NDUFV3: variants seen among roughly 807,000 people sequenced by gnomAD.
The protein encoded by NDUFV3 is NADH dehydrogenase [ubiquinone] flavoprotein 3, mitochondrial.
Under a neutral mutation model 37.5 loss-of-function variants are expected in NDUFV3, and 44 were observed. The observed-to-expected ratio is 1.17, with a 90% CI of 0.92 to 1.51. The LOEUF is 1.51. Among genes scored for constraint, NDUFV3 ranks in the 40% most tolerant of loss-of-function variants. The pLI is 0.00. For missense variants in NDUFV3, 580 were observed against 580.4 expected (o/e 1.00, Z 0.01); for synonymous variants, 235 against 239.3 (o/e 0.98, Z 0.17).
chr21:42,895,532 A>G (rs1255476540), intron 1 of NDUFV3, among the ~76,000 whole-genome samples: 1 of 151,994 alleles, frequency 6.6e-6, no homozygotes, highest in Non-Finnish European at 1.5e-5. Context: ...CACACCTGTA[A>G]TTCCAGCTAC....
intron 2 of NDUFV3, among the ~76,000 whole-genome samples, chr21:42,900,242 C>A (rs13048165): frequency 0.076 from 11,594 of 152,158 alleles, 515 homozygotes; most frequent in East Asian, 0.15. Context: ...TGGCTCACAC[C>A]TGTAATCCCA....
At position 42,909,136 on chromosome 21, in the gene NDUFV3, C is replaced by CA; in HGVS notation, c.*115_*116insA. ...TGTGCATAATCGGTTTCACTTTTAC[C>CA]TTTTTTTTTTTTTTTTTTTTTTTGA... On this transcript the variant is annotated 3_prime_UTR_variant, in exon 4 of 4. Transcript: ENST00000354250. 6 of 434,494 alleles carry CA rather than the reference C, an allele frequency of 1.4e-5. No individual in the cohort carries two copies. Among genetic ancestry groups the CA allele is most frequent in the Non-Finnish European group, 1.9e-5 (5 of 257,896 alleles). The allele number at this position is 434,494 out of a possible 1,614,324, so 26.9% of individuals were successfully genotyped here. A position where few individuals can be genotyped will look rare whatever the true frequency, so the allele number is the denominator to read the frequency against.
chr21:42,902,062 G>A (rs567145124), intron 2 of NDUFV3, among the ~76,000 whole-genome samples: 1 of 152,210 alleles, frequency 6.6e-6, no homozygotes, highest in South Asian at 2.1e-4. Flanking sequence ...TACAAAATTA[G>A]CTGGGTGTGG....
chr21:42,908,312 A>G lies in NDUFV3; in HGVS notation c.1265-552A>G, dbSNP rs191265549. Among the ~76,000 whole-genome samples the G allele has an allele frequency of 3.0e-3, 452 of 152,286 alleles. 7 individuals carry two copies. The highest frequency in any genetic ancestry group is 4.6e-3 in the Admixed American group (70 of 15,292). ...AACAGAGTGAGACTCCATCTCAAAA[A>G]AAAAAACGCATTGTAATAACTATTC... is the stretch of plus-strand genomic sequence containing the variant. On this transcript the variant is annotated intron_variant, in intron 3 of 3. Transcript: ENST00000354250.
rs377125395 is a variant in NDUFV3, at chr21:42,905,768, G to A, written c.1264+1492G>A. On this transcript the variant is annotated intron_variant, in intron 3 of 3. Coordinates refer to ENST00000354250, the MANE Select transcript of NDUFV3 (RefSeq NM_021075.4). ...TGACCTTAGGTGATCCACCTGCCTC[G>A]GCCTCCCAAAGTGCTGGGATTACAG... 7.5e-4 allele frequency among the ~76,000 whole-genome samples: 112 copies of A among 148,638 alleles called. 2 individuals are homozygous for A. The East Asian group carries it at 0.015, about 20-fold the overall frequency.
chr21:42,905,656 C>T (rs2058737943), intron 3 of NDUFV3, among the ~76,000 whole-genome samples: 1 of 152,008 alleles, frequency 6.6e-6, no homozygotes, highest in African/African-American at 2.4e-5. Context: ...GCTGGGATTA[C>T]AGGCGTGTGG....
chr21:42,897,962 C>T (rs1439411696), intron 2 of NDUFV3, among the ~76,000 whole-genome samples: 1 of 152,242 alleles, frequency 6.6e-6, no homozygotes, highest in Non-Finnish European at 1.5e-5. Context: ...AGGCGTGAGC[C>T]ACCGTGCCCA....
chr21:42,895,984 C>CTTTTTTT (rs534775972), intron 1 of NDUFV3, among the ~76,000 whole-genome samples: 1 of 130,368 alleles, frequency 7.7e-6, no homozygotes, highest in African/African-American at 2.9e-5. Flanking sequence ...GGTTGTTTTT[C>CTTTTTTT]TTTTTTTTTT....
chr21:42,907,190 G>A lies in NDUFV3; in HGVS notation c.1265-1674G>A, dbSNP rs375012382. Among the ~76,000 whole-genome samples the A allele has an allele frequency of 1.5e-4, 23 of 152,166 alleles. 1 individual carries two copies. In the South Asian group the frequency reaches 2.1e-3, roughly 14 times the overall value. On this transcript the variant is annotated intron_variant, in intron 3 of 3. Transcript: ENST00000354250. ...TGCCTCAACCCCTACTTGTAGTTTC[G>A]AATTACCAAATGTTTAAATGCTGTG... is the stretch of plus-strand genomic sequence containing the variant.
intron 2 of NDUFV3, among the ~76,000 whole-genome samples, chr21:42,902,498 C>T (rs1168433503): frequency 2.0e-5 from 3 of 152,196 alleles, no homozygotes; most frequent in Non-Finnish European, 4.4e-5. Context: ...GCCATGCCCT[C>T]ACTTTTCAAC....
At chr21:42,907,286 C>CAA (rs1236857760) in intron 3 of NDUFV3, among the ~76,000 whole-genome samples, 3 of 151,800 alleles carry the variant, frequency 2.0e-5, no homozygotes, top group South Asian at 4.1e-4. Context: ...TTAAGCTTTT[C>CAA]AAAAAAAATT....
Position 42,903,290 on chromosome 21 carries a change from G to C in NDUFV3, c.278G>C (p.Gly93Ala), listed in dbSNP as rs746322849. 3.7e-6 allele frequency: 6 copies of C among 1,614,024 alleles called. No individual in the cohort carries two copies. The African/African-American group carries it at 5.3e-5, about 14-fold the overall frequency. Residue 93 changes from glycine (G) to alanine (A), a missense_variant, in exon 3 of 4, where the codon GGC becomes GCC. Coordinates refer to ENST00000354250, the MANE Select transcript of NDUFV3 (RefSeq NM_021075.4). ...PSSYPPAVNK[G>A]RKVASPSPSG... ...TCTTACCCGCCAGCTGTGAATAAGG[G>C]CAGGAAGGTAGCTAGTCCCAGTCCC...
In NDUFV3 at chr21:42,894,899, A is replaced by ACTTAATAGGC. The variant is rs2058684031; in HGVS notation, c.48+1523_48+1532dup. ...CATCTAGAACATTGTACTGTCTAGC[A>ACTTAATAGGC]CTTAATAGGCCTTAGTGAGTATATG... On this transcript the variant is annotated intron_variant, in intron 1 of 3. Coordinates refer to ENST00000354250, the MANE Select transcript of NDUFV3 (RefSeq NM_021075.4). Among the ~76,000 whole-genome samples, 3 of 152,090 alleles carry ACTTAATAGGC rather than the reference A, an allele frequency of 2.0e-5. No homozygotes were observed. In the South Asian group the frequency reaches 6.2e-4, roughly 31 times the overall value.
In NDUFV3 at chr21:42,903,187, G is replaced by A; in HGVS notation, c.175G>A (p.Val59Met). Reference sequence around the variant, plus strand: ...CTCTTTATGCCGTTTCCCAGATGTAGTGGAACCAAAGGAGAGGGGCAAGCT... The same window carrying A: ...CTCTTTATGCCGTTTCCCAGATGTAATGGAACCAAAGGAGAGGGGCAAGCT... ...SKKQSPPKNV[V>M]EPKERGKLLA... is the part of the protein sequence containing the mutation. The change falls in exon 3 of 4, where the codon GTG becomes ATG. Residue 59 changes from valine (V) to methionine (M), a missense_variant. By Grantham distance (21) the Val-to-Met change is conservative. Coordinates refer to ENST00000354250, the MANE Select transcript of NDUFV3 (RefSeq NM_021075.4). 6.2e-7 allele frequency: 1 copy of A among 1,614,146 alleles called. No homozygotes were observed. Among genetic ancestry groups the A allele is most frequent in the Non-Finnish European group, 8.5e-7 (1 of 1,180,032 alleles).
At chr21:42,906,354 T>C (rs1463769571) in intron 3 of NDUFV3, among the ~76,000 whole-genome samples, 1 of 152,152 alleles carries the variant, frequency 6.6e-6, no homozygotes, top group African/African-American at 2.4e-5. Context: ...CCGCCGCCCC[T>C]TGCCTTATGT....
intron 1 of NDUFV3, among the ~76,000 whole-genome samples, chr21:42,895,696 T>A (rs1443821624): frequency 6.6e-6 from 1 of 151,528 alleles, no homozygotes; most frequent in South Asian, 2.1e-4. Context: ...CGTGGTATTT[T>A]GTAGGTTAAT....
At position 42,904,211 on chromosome 21, in the gene NDUFV3, T is replaced by G; in HGVS notation, c.1199T>G (p.Leu400Arg). 2.5e-6 allele frequency: 4 copies of G among 1,613,866 alleles called. No individual in the cohort carries two copies. The highest frequency in any genetic ancestry group is 2.5e-6 in the Non-Finnish European group (3 of 1,179,910). ...CATGAAAAGACAGCAGCGCTGAAGC[T>G]TGAGGCCGAGGGCGAGGCCATGGAA... ...GFHEKTAALK[L>R]EAEGEAMEDA... Residue 400 changes from leucine to arginine, a missense_variant, in exon 3 of 4, where the codon CTT (leucine) becomes CGT (arginine). Transcript: ENST00000354250.
In NDUFV3 at chr21:42,913,258, A is replaced by C. The variant is rs1262984303; in HGVS notation, c.*4237A>C. ...CAGTGTTCCTTCTAGTGTAATTTTCACCCTTAGAGACCTGTCTGTAATAAA... is the reference window on the plus strand; with the variant it reads ...CAGTGTTCCTTCTAGTGTAATTTTCCCCCTTAGAGACCTGTCTGTAATAAA... On this transcript the variant is annotated 3_prime_UTR_variant, in exon 4 of 4. Transcript: ENST00000354250. 1 of 149,508 alleles carries C rather than the reference A, an allele frequency of 6.7e-6. No individual in the cohort carries two copies. Among genetic ancestry groups the C allele is most frequent in the Non-Finnish European group, 1.5e-5 (1 of 66,846 alleles). 9.3% of individuals were successfully genotyped at this position (149,508 alleles called of 1,614,324 possible).
chr21:42,903,184 G>A lies in NDUFV3; in HGVS notation c.172G>A (p.Val58Ile), dbSNP rs2058724324. Reference sequence around the variant, plus strand: ...TTCCTCTTTATGCCGTTTCCCAGATGTAGTGGAACCAAAGGAGAGGGGCAA... The same window carrying A: ...TTCCTCTTTATGCCGTTTCCCAGATATAGTGGAACCAAAGGAGAGGGGCAA... ...NSKKQSPPKN[V>I]VEPKERGKLL... The change falls in exon 3 of 4, where the codon GTA becomes ATA. Residue 58 changes from valine to isoleucine, a missense_variant and splice_region_variant. Val to Ile is a conservative substitution (Grantham distance 29). Transcript: ENST00000354250. 6.2e-7 allele frequency: 1 copy of A among 1,614,118 alleles called. No individual in the cohort carries two copies. Among genetic ancestry groups the A allele is most frequent in the Non-Finnish European group, 8.5e-7 (1 of 1,180,028 alleles).
Sources: gnomAD v4.1 joint callset for allele counts (sites outside exome capture counted in the v4.1 genomes callset) on GRCh38, gnomAD v4.1.1 for gene constraint, MANE v1.5 for transcripts, NCBI Gene and HGNC (gene_info 2026-07-23, HGNC 2026-07-21) for gene names.